ACOXL: variants seen among roughly 807,000 people sequenced by gnomAD.
ACOXL encodes acyl-CoA oxidase like.
Under a neutral mutation model 71.9 loss-of-function variants are expected in ACOXL, and 70 were observed. The ratio of observed to expected loss-of-function variants is 0.97; its 90% CI spans 0.80 to 1.19. The LOEUF (loss-of-function observed/expected upper bound fraction) is 1.19. Ranked by LOEUF, ACOXL falls within the 50% of genes most tolerant of loss-of-function variation. The pLI is 0.00. For synonymous variants in ACOXL, 253 were observed against 281.6 expected (o/e 0.90, Z 1.02); for missense variants, 703 against 736.3 (o/e 0.95, Z 0.52).
At chr2:111,082,962 C>G (rs1377693162) in intron 16 of ACOXL, among the ~76,000 whole-genome samples, 1 of 151,984 alleles carries the variant, frequency 6.6e-6, no homozygotes. Context: ...CATGTTCTCA[C>G]TCATAAGTGG....
At chr2:110,829,717 G>A (rs959506698) in intron 9 of ACOXL, among the ~76,000 whole-genome samples, 1 of 152,176 alleles carries the variant, frequency 6.6e-6, no homozygotes, top group African/African-American at 2.4e-5. Context: ...TGCTGAGTGT[G>A]TGTGTATGTA....
chr2:110,839,603 G>A (rs1162325273), intron 9 of ACOXL, among the ~76,000 whole-genome samples: 1 of 152,116 alleles, frequency 6.6e-6, no homozygotes, highest in Non-Finnish European at 1.5e-5. Flanking sequence ...GTCTCTGATT[G>A]CTGATGGCTT....
intron 11 of ACOXL, among the ~76,000 whole-genome samples, chr2:110,920,144 G>T (rs755701017): frequency 4.6e-5 from 7 of 152,174 alleles, no homozygotes; most frequent in Admixed American, 2.0e-4. Context: ...AATTGCTAAC[G>T]TGTTTTCCAA....
chr2:111,053,468 G>A (rs2066394308), intron 16 of ACOXL, among the ~76,000 whole-genome samples: 1 of 152,162 alleles, frequency 6.6e-6, no homozygotes, highest in African/African-American at 2.4e-5. Context: ...CAGGGCATTG[G>A]GTCAGCCTAG....
rs569130305 is a variant in ACOXL, at chr2:111,104,744, G to A, written c.1542+11778G>A. 3.2e-4 allele frequency among the ~76,000 whole-genome samples: 49 copies of A among 152,150 alleles called. 1 individual carries two copies. The South Asian group carries it at 9.5e-3, about 30-fold the overall frequency. On this transcript the variant is annotated intron_variant, in intron 17 of 17. Transcript: ENST00000439055. The stretch of plus-strand genomic sequence containing the variant: ...TAGTCCTTTGTCAGATATGTAGCTT[G>A]CAAATATTTTCTCCTAATTTATAGC...
At chr2:110,969,089 AT>A (rs1452820353) in intron 12 of ACOXL, among the ~76,000 whole-genome samples, 3 of 152,220 alleles carry the variant, frequency 2.0e-5, no homozygotes, top group African/African-American at 7.2e-5. Context: ...TATATAGGAA[AT>A]TTTAATGGAA....
At chr2:111,019,476 A>G (rs1258517874) in intron 14 of ACOXL, among the ~76,000 whole-genome samples, 1 of 152,250 alleles carries the variant, frequency 6.6e-6, no homozygotes, top group Non-Finnish European at 1.5e-5. Context: ...AAAAGGGAAG[A>G]AGGAGGAGAA....
intron 10 of ACOXL, among the ~76,000 whole-genome samples, chr2:110,896,221 A>G (rs2059002122): frequency 1.3e-5 from 2 of 152,176 alleles, no homozygotes; most frequent in South Asian, 4.1e-4. Flanking sequence ...GCAACCAGGA[A>G]AAAAACCTAT....
intron 17 of ACOXL, chr2:111,099,112 G>A (rs1291033012): frequency 2.6e-5 from 4 of 152,134 alleles, no homozygotes; most frequent in Admixed American, 6.5e-5. Context: ...TGTTCCTTTG[G>A]CACACTCTAG....
rs770684453 is a variant in ACOXL at position 110,801,689 on chromosome 2, C to T, written c.585C>T (p.Asp195=). ...HGVDNGILIF[D]KVRIPRENLL... Reference sequence around the variant, plus strand: ...TGGACAATGGGATATTAATATTTGACAAGGTTCGGATACCCAGGGAGAACC... The same window carrying T: ...TGGACAATGGGATATTAATATTTGATAAGGTTCGGATACCCAGGGAGAACC... Residue 195 remains aspartate (D), a synonymous_variant, in exon 8 of 18, where the codon GAC becomes GAT. Transcript: ENST00000439055. The T allele has an allele frequency of 2.5e-6, 4 of 1,614,042 alleles. No individual in the cohort carries two copies. The African/African-American group carries it at 5.3e-5, about 22-fold the overall frequency.
At chr2:110,839,491 T>C (rs772149421) in intron 9 of ACOXL, among the ~76,000 whole-genome samples, 8 of 152,238 alleles carry the variant, frequency 5.3e-5, no homozygotes, top group Non-Finnish European at 1.2e-4. Context: ...TTACTCCTAG[T>C]TGAGATAGAG....
intron 15 of ACOXL, among the ~76,000 whole-genome samples, chr2:111,043,638 C>T (rs2065886416): frequency 6.6e-6 from 1 of 152,274 alleles, no homozygotes; most frequent in East Asian, 1.9e-4. Context: ...GCTTGACCCT[C>T]AAGGCTCTCA....
chr2:110,802,797 A>G (rs1220986102), intron 8 of ACOXL, among the ~76,000 whole-genome samples: 2 of 152,188 alleles, frequency 1.3e-5, no homozygotes, highest in East Asian at 1.9e-4. Context: ...TATGGAAGAA[A>G]TAAGTTCTGG....
intron 17 of ACOXL, among the ~76,000 whole-genome samples, chr2:111,108,624 G>A (rs966293250): frequency 4.6e-5 from 7 of 152,122 alleles, no homozygotes; most frequent in African/African-American, 7.2e-5. Context: ...GATACCGCCC[G>A]CCTTGGCCTT....
intron 10 of ACOXL, among the ~76,000 whole-genome samples, chr2:110,877,503 G>A (rs118085394): frequency 4.6e-5 from 7 of 152,080 alleles, no homozygotes; most frequent in South Asian, 4.2e-4. Flanking sequence ...GGTTTTGTTC[G>A]GTTGTTTTTT....
At chr2:110,799,201 G>T in intron 7 of ACOXL, 101 bp downstream of exon 7, 1 of 1,256,826 alleles carries the variant, frequency 8.0e-7, no homozygotes, top group South Asian at 1.2e-5. Flanking sequence ...AAGCACTGAG[G>T]GTGGAGAAAA....
At chr2:110,745,729 T>G (rs1288514305) in intron 1 of ACOXL, among the ~76,000 whole-genome samples, 1 of 152,216 alleles carries the variant, frequency 6.6e-6, no homozygotes, top group Non-Finnish European at 1.5e-5. Flanking sequence ...ATATTACCCG[T>G]GCAAGGAACC....
intron 12 of ACOXL, among the ~76,000 whole-genome samples, chr2:110,960,385 C>T (rs895967726): frequency 1.3e-5 from 2 of 152,204 alleles, no homozygotes; most frequent in African/African-American, 2.4e-5. Flanking sequence ...GGGCACACGC[C>T]GTGGTGCTGG....
chr2:111,085,280 A>T (rs899050284), intron 16 of ACOXL, among the ~76,000 whole-genome samples: 2 of 152,146 alleles, frequency 1.3e-5, no homozygotes, highest in African/African-American at 2.4e-5. Flanking sequence ...AGATACATTC[A>T]TCTCATGGCT....
Sources: gnomAD v4.1 joint callset for allele counts (sites outside exome capture counted in the v4.1 genomes callset) on GRCh38, gnomAD v4.1.1 for gene constraint, MANE v1.5 for transcripts, NCBI Gene and HGNC (gene_info 2026-07-23, HGNC 2026-07-21) for gene names.